The following RBFOX1 variants were observed in gnomAD, a reference collection of about 807,000 sequenced individuals.
RBFOX1 encodes RNA binding fox-1 homolog 1, also known as RNA binding protein fox-1 homolog 1.
Under a neutral mutation model 57.7 loss-of-function variants are expected in RBFOX1, and 8 were observed. That is an observed-to-expected ratio of 0.14 (90% CI 0.08 to 0.25). The LOEUF is 0.25. Ranked by LOEUF, RBFOX1 falls within the 10% of genes least tolerant of loss-of-function variation. The pLI is 1.00. For missense variants in RBFOX1, 611 were observed against 548.5 expected (o/e 1.11, Z -1.14); for synonymous variants, 326 against 222.4 (o/e 1.47, Z -4.15).
intron 2 of RBFOX1, among the ~76,000 whole-genome samples, chr16:6,454,509 G>C (rs2094711305): frequency 1.3e-5 from 2 of 152,140 alleles, no homozygotes; most frequent in South Asian, 2.1e-4. Context: ...GGTGAGCTGA[G>C]ATTGCTCCAC....
In RBFOX1 at chr16:7,184,140, G is replaced by A. The variant is rs113879095; in HGVS notation, c.27+132042G>A. Among the ~76,000 whole-genome samples, 257 of 152,284 alleles carry A rather than the reference G, an allele frequency of 1.7e-3. 1 individual carries two copies. The highest frequency in any genetic ancestry group is 5.9e-3 in the African/African-American group (246 of 41,568). On this transcript the variant is annotated intron_variant, in intron 4 of 15. Coordinates refer to ENST00000550418, the MANE Select transcript of RBFOX1 (RefSeq NM_018723.4). Reference sequence around the variant, plus strand: ...AATCACTGACAGGAAAGGGCTTTGTGTATTTGAAGATCATAAAAAGAGTAG... The same window carrying A: ...AATCACTGACAGGAAAGGGCTTTGTATATTTGAAGATCATAAAAAGAGTAG...
At chr16:5,771,944 G>T (rs145780807) in intron 3 of RBFOX1, among the ~76,000 whole-genome samples, 3 of 152,020 alleles carry the variant, frequency 2.0e-5, no homozygotes, top group Non-Finnish European at 2.9e-5. Context: ...GAGGTCGAGG[G>T]GGGTGGATCA....
intron 2 of RBFOX1, among the ~76,000 whole-genome samples, chr16:6,405,803 G>T (rs994953302): frequency 6.6e-6 from 1 of 152,162 alleles, no homozygotes; most frequent in Non-Finnish European, 1.5e-5. Context: ...AGGAGTAGTG[G>T]CAGGGATGTA....
intron 1 of RBFOX1, among the ~76,000 whole-genome samples, chr16:5,457,218 C>T (rs143578882): frequency 3.6e-4 from 54 of 152,062 alleles, no homozygotes; most frequent in Non-Finnish European, 3.2e-4. Flanking sequence ...CTCACTGCAA[C>T]CTCTACCTCC....
chr16:5,825,235 G>A (rs1038970297), intron 3 of RBFOX1, among the ~76,000 whole-genome samples: 11 of 152,242 alleles, frequency 7.2e-5, no homozygotes, highest in Non-Finnish European at 1.5e-4. Flanking sequence ...ATATAGTGAT[G>A]GAAGGCAGCC....
At chr16:5,360,655 A>G (rs191309468) in intron 1 of RBFOX1, among the ~76,000 whole-genome samples, 2 of 152,328 alleles carry the variant, frequency 1.3e-5, no homozygotes, top group Non-Finnish European at 2.9e-5. Flanking sequence ...AGCTGCTGTG[A>G]CTAATGTGAG....
intron 1 of RBFOX1, among the ~76,000 whole-genome samples, chr16:5,266,491 G>C (rs1386670283): frequency 2.0e-5 from 3 of 151,896 alleles, no homozygotes; most frequent in African/African-American, 4.8e-5. Context: ...GAATATCCTG[G>C]AAGGGGCTGT....
At chr16:6,298,087 C>T (rs2078348614) in intron 1 of RBFOX1, among the ~76,000 whole-genome samples, 2 of 152,188 alleles carry the variant, frequency 1.3e-5, no homozygotes, top group Non-Finnish European at 1.5e-5. Flanking sequence ...CTTAAGCCAT[C>T]CGTGGATGGC....
intron 1 of RBFOX1, among the ~76,000 whole-genome samples, chr16:5,418,700 C>T (rs1255230536): frequency 1.3e-5 from 2 of 152,228 alleles, no homozygotes; most frequent in Non-Finnish European, 2.9e-5. Flanking sequence ...GGCTTTCATT[C>T]GACTCCCTCT....
intron 1 of RBFOX1, among the ~76,000 whole-genome samples, chr16:6,044,520 C>T (rs1020308576): frequency 6.6e-6 from 1 of 151,480 alleles, no homozygotes; most frequent in Non-Finnish European, 1.5e-5. Context: ...AACAATTCCA[C>T]AGGTGAGCTA....
intron 2 of RBFOX1, among the ~76,000 whole-genome samples, chr16:6,567,917 C>T (rs904093235): frequency 2.0e-5 from 3 of 152,090 alleles, no homozygotes; most frequent in East Asian, 1.9e-4. Context: ...AACTGCCAGG[C>T]TCAAGCAATC....
chr16:6,988,739 TTTTGTTTG>T (rs1189814239), intron 3 of RBFOX1, among the ~76,000 whole-genome samples: 6 of 71,712 alleles, frequency 8.4e-5, no homozygotes, highest in South Asian at 4.6e-4. Flanking sequence ...TAATTTTTTT[TTTTGTTTG>T]TTTGTTTTTT....
chr16:7,029,079 T>TACAC (rs1174595280), intron 3 of RBFOX1, among the ~76,000 whole-genome samples: 3 of 36,988 alleles, frequency 8.1e-5, no homozygotes, highest in African/African-American at 6.6e-4. Flanking sequence ...TATATATATA[T>TACAC]ATACACACAC....
At chr16:7,222,478 G>T (rs992171327) in intron 4 of RBFOX1, among the ~76,000 whole-genome samples, 1 of 152,104 alleles carries the variant, frequency 6.6e-6, no homozygotes, top group Non-Finnish European at 1.5e-5. Context: ...TGAAAAGTTG[G>T]CAATGCAAGG....
intron 3 of RBFOX1, among the ~76,000 whole-genome samples, chr16:5,612,274 C>G (rs1375063913): frequency 1.3e-5 from 2 of 151,998 alleles, no homozygotes; most frequent in South Asian, 4.2e-4. Context: ...TCTACTCTCC[C>G]AGTCACTCTC....
chr16:7,647,122 T>C (rs1161495134), intron 11 of RBFOX1, among the ~76,000 whole-genome samples: 1 of 152,162 alleles, frequency 6.6e-6, no homozygotes, highest in Non-Finnish European at 1.5e-5. Context: ...TTCATCGAGT[T>C]CCATGGGACA....
chr16:6,166,930 C>T (rs1403249232), intron 1 of RBFOX1, among the ~76,000 whole-genome samples: 1 of 148,868 alleles, frequency 6.7e-6, no homozygotes, highest in East Asian at 1.9e-4. Flanking sequence ...TGTACCACCA[C>T]ACCTAGCTAA....
chr16:6,618,610 T>A (rs964516824), intron 2 of RBFOX1, among the ~76,000 whole-genome samples: 7 of 152,154 alleles, frequency 4.6e-5, no homozygotes, highest in Non-Finnish European at 8.8e-5. Context: ...TACAGAAAGG[T>A]AAAATCACTT....
intron 3 of RBFOX1, among the ~76,000 whole-genome samples, chr16:5,744,274 T>A (rs771508927): frequency 3.3e-5 from 5 of 152,168 alleles, no homozygotes; most frequent in Non-Finnish European, 5.9e-5. Flanking sequence ...AATTGCTCTG[T>A]CTTCTGGGTT....
Sources: gnomAD v4.1 joint callset for allele counts (sites outside exome capture counted in the v4.1 genomes callset) on GRCh38, gnomAD v4.1.1 for gene constraint, MANE v1.5 for transcripts, NCBI Gene and HGNC (gene_info 2026-07-23, HGNC 2026-07-21) for gene names.